DENND1A: variants seen among roughly 807,000 people sequenced by gnomAD.
The protein encoded by DENND1A is DENN domain containing 1A, also known as DENN domain-containing protein 1A.
DENND1A carries 51 observed loss-of-function variants against 113.7 expected under a neutral mutation model. The ratio of observed to expected loss-of-function variants is 0.45; its 90% confidence interval spans 0.36 to 0.57. The LOEUF is 0.57. Among genes scored for constraint, DENND1A ranks in the 20% least tolerant of loss-of-function variants. DENND1A has a pLI of 0.00. For missense variants in DENND1A, 1,258 were observed against 1,395.9 expected (o/e 0.90, Z 1.57); for synonymous variants, 565 against 570.8 (o/e 0.99, Z 0.14).
intron 13 of DENND1A, among the ~76,000 whole-genome samples, chr9:123,508,566 A>T (rs1317492150): frequency 6.6e-6 from 1 of 152,226 alleles, no homozygotes; most frequent in Non-Finnish European, 1.5e-5. Flanking sequence ...AAAAAAAGAC[A>T]AGTGGACATC....
rs755849916 is a variant in DENND1A at position 123,676,794 on chromosome 9, A to T, written c.303-5T>A. On this transcript the variant is annotated splice_region_variant and splice_polypyrimidine_tract_variant and intron_variant, in intron 5 of 23. Transcript: ENST00000394215. ...ACCTCGAACCAGGGGAGATAGCTGG[A>T]GGAAGAAGAGGAAACACATGAAATA... The T allele has an allele frequency of 1.2e-6, 2 of 1,613,744 alleles. No homozygotes were observed. Among genetic ancestry groups the T allele is most frequent in the South Asian group, 1.1e-5 (1 of 91,086 alleles).
At chr9:123,884,997 G>GCGCACACACA (rs370719014) in intron 1 of DENND1A, among the ~76,000 whole-genome samples, 13 of 145,948 alleles carry the variant, frequency 8.9e-5, no homozygotes, top group African/African-American at 3.0e-4. Flanking sequence ...GAGCGCGCGC[G>GCGCACACACA]CACACACACA....
chr9:123,685,178 C>T (rs1478543062), intron 5 of DENND1A, among the ~76,000 whole-genome samples: 1 of 152,180 alleles, frequency 6.6e-6, no homozygotes, highest in African/African-American at 2.4e-5. Context: ...AAACTGAGTA[C>T]AATTTGTTTC....
At chr9:123,514,102 GTGTGTGTC>G (rs776223353) in intron 13 of DENND1A, among the ~76,000 whole-genome samples, 136 of 51,338 alleles carry the variant, frequency 2.6e-3, no homozygotes, top group Non-Finnish European at 6.3e-3. Flanking sequence ...GTGTGTATGT[GTGTGTGTC>G]TGTGTGTGTG....
At chr9:123,733,429 G>C (rs892165781) in intron 5 of DENND1A, among the ~76,000 whole-genome samples, 1 of 152,034 alleles carries the variant, frequency 6.6e-6, no homozygotes, top group Non-Finnish European at 1.5e-5. Flanking sequence ...ACAGGTATGT[G>C]CCACCACACC....
chr9:123,817,260 T>C (rs1234638812), intron 2 of DENND1A, among the ~76,000 whole-genome samples: 1 of 152,178 alleles, frequency 6.6e-6, no homozygotes, highest in African/African-American at 2.4e-5. Flanking sequence ...TTGAGCCCTA[T>C]GAAAGATGAC....
Position 123,382,561 on chromosome 9 carries a change from G to A in DENND1A, c.2084C>T (p.Pro695Leu), listed in dbSNP as rs770403164. 8.1e-6 allele frequency: 13 copies of A among 1,613,946 alleles called. No homozygotes were observed. Among genetic ancestry groups the A allele is most frequent in the East Asian group, 2.2e-5 (1 of 44,870 alleles). Residue 695 changes from proline (P) to leucine (L), a missense_variant, in exon 24 of 24, where the codon CCG becomes CTG. Pro to Leu is a moderately conservative substitution (Grantham distance 98). This residue lies in a region of DENND1A where 1,159 missense variants were observed against 1,231.7 expected (regional missense o/e 0.94). Transcript: ENST00000394215. ...GCCCAGGCTCCAGAGCTTGTTGTACGGGTGGGTAAGCTTCAAGGCCACTGT... is the reference window on the plus strand; with the variant it reads ...GCCCAGGCTCCAGAGCTTGTTGTACAGGTGGGTAAGCTTCAAGGCCACTGT... The part of the protein sequence containing the change: ...GVTVALKLTH[P>L]YNKLWSLGQD...
At chr9:123,836,814 AAAG>A (rs1841114808) in intron 2 of DENND1A, among the ~76,000 whole-genome samples, 1 of 152,156 alleles carries the variant, frequency 6.6e-6, no homozygotes, top group South Asian at 2.1e-4. Context: ...GACTTTTTCA[AAAG>A]AAGTTCATTC....
intron 13 of DENND1A, among the ~76,000 whole-genome samples, chr9:123,513,970 T>C (rs1043378599): frequency 6.6e-6 from 1 of 152,096 alleles, no homozygotes; most frequent in Non-Finnish European, 1.5e-5. Context: ...GTCACCAGAT[T>C]AGAACATGAG....
Position 123,380,828 on chromosome 9 carries a change from T to C in DENND1A, c.*604A>G, listed in dbSNP as rs2042237079. The C allele has an allele frequency of 6.5e-6, 1 of 153,130 alleles. No individual in the cohort carries two copies. 9.5% of individuals were successfully genotyped at this position (153,130 alleles called of 1,614,324 possible). A position where few individuals can be genotyped will look rare whatever the true frequency, so the allele number is the denominator to read the frequency against. ...GTCCCCAGATCCTCCCAGGTCAGAA[T>C]CAACTGAAGTTTTGGGGTGAAGACA... is the stretch of plus-strand genomic sequence containing the variant. On this transcript the variant is annotated 3_prime_UTR_variant, in exon 24 of 24. Coordinates refer to ENST00000394215, the MANE Select transcript of DENND1A (RefSeq NM_001352964.2).
rs1242684262 is a variant in DENND1A at position 123,498,415 on chromosome 9, T to G, written c.994-40518A>C. 2.6e-5 allele frequency among the ~76,000 whole-genome samples: 4 copies of G among 152,238 alleles called. No individual in the cohort carries two copies. The East Asian group carries it at 7.7e-4, about 29-fold the overall frequency. On this transcript the variant is annotated intron_variant, in intron 13 of 23. Transcript: ENST00000394215. Reference sequence around the variant, plus strand: ...AGCTTGTCCAAGATCACCAGCGTGCTGGTCAACAGCTGAGCTTGTCCAACA... The same window carrying G: ...AGCTTGTCCAAGATCACCAGCGTGCGGGTCAACAGCTGAGCTTGTCCAACA...
At chr9:123,409,204 C>T (rs1439346388) in intron 20 of DENND1A, among the ~76,000 whole-genome samples, 1 of 152,156 alleles carries the variant, frequency 6.6e-6, no homozygotes, top group East Asian at 1.9e-4. Context: ...ATTCTCTTCT[C>T]CTCTGTGTCT....
intron 13 of DENND1A, among the ~76,000 whole-genome samples, chr9:123,539,800 G>A (rs1030929940): frequency 1.9e-4 from 29 of 151,004 alleles, no homozygotes; most frequent in Admixed American, 1.2e-3. Context: ...GGAGAACGGC[G>A]TGAACCCGGG....
At chr9:123,819,280 A>C (rs1041648493) in intron 2 of DENND1A, among the ~76,000 whole-genome samples, 1 of 152,056 alleles carries the variant, frequency 6.6e-6, no homozygotes, top group Non-Finnish European at 1.5e-5. Context: ...CACTATCCAA[A>C]CTCTCACCAT....
chr9:123,503,666 C>G (rs1276321251), intron 13 of DENND1A, among the ~76,000 whole-genome samples: 2 of 152,198 alleles, frequency 1.3e-5, no homozygotes, highest in East Asian at 3.8e-4. Flanking sequence ...TGTCTAATGC[C>G]TGATACTTTC....
intron 5 of DENND1A, among the ~76,000 whole-genome samples, chr9:123,741,429 C>G (rs1202177082): frequency 6.6e-6 from 1 of 152,184 alleles, no homozygotes; most frequent in Non-Finnish European, 1.5e-5. Context: ...TAACTACTTC[C>G]TCTTTTTAGC....
chr9:123,719,833 A>C (rs2067221287), intron 5 of DENND1A, among the ~76,000 whole-genome samples: 1 of 152,222 alleles, frequency 6.6e-6, no homozygotes, highest in African/African-American at 2.4e-5. Flanking sequence ...GCAACCCATC[A>C]CATAATGTCA....
chr9:123,617,729 G>C (rs544347170), intron 10 of DENND1A, among the ~76,000 whole-genome samples: 1 of 152,280 alleles, frequency 6.6e-6, no homozygotes, highest in Admixed American at 6.5e-5. Context: ...CAAAGGTCAG[G>C]AGACAGGGCT....
chr9:123,923,326 C>T (rs1301666113), intron 1 of DENND1A, among the ~76,000 whole-genome samples: 1 of 152,224 alleles, frequency 6.6e-6, no homozygotes, highest in Non-Finnish European at 1.5e-5. Context: ...ACTCTGAGCA[C>T]TAACGATGGA....
Sources: allele counts gnomAD v4.1 joint callset (sites outside exome capture counted in the v4.1 genomes callset), GRCh38; gene constraint gnomAD v4.1.1; regional missense constraint gnomAD v4.1.1; transcripts MANE v1.5; gene names NCBI Gene and HGNC (gene_info 2026-07-23, HGNC 2026-07-21).